The following CRYBG1 variants were observed in gnomAD, a reference collection of about 807,000 sequenced individuals.
The protein encoded by CRYBG1 is beta/gamma crystallin domain-containing protein 1.
A neutral mutation model predicts 189.2 loss-of-function variants in CRYBG1; 139 were observed. The observed-to-expected ratio is 0.73, with a 90% CI of 0.64 to 0.85. The LOEUF (loss-of-function observed/expected upper bound fraction) is 0.85. Among genes scored for constraint, CRYBG1 ranks in the 40% least tolerant of loss-of-function variants. The pLI is 0.00. For missense variants in CRYBG1, 2,611 were observed against 2,675.8 expected, an observed-to-expected ratio of 0.98 and a Z score of 0.53; for synonymous variants, 1,023 against 1,017.1, an observed-to-expected ratio of 1.01 and a Z score of -0.11.
chr6:106,514,841 T>G (rs764965201), intron 3 of CRYBG1, among the ~76,000 whole-genome samples: 6 of 152,258 alleles, frequency 3.9e-5, no homozygotes, highest in Non-Finnish European at 8.8e-5. Context: ...CCTAAAAATT[T>G]TCTTTACCAG....
At chr6:106,468,982 C>T (rs373465368) in intron 2 of CRYBG1, among the ~76,000 whole-genome samples, 6 of 152,334 alleles carry the variant, frequency 3.9e-5, no homozygotes, top group African/African-American at 1.4e-4. Flanking sequence ...CTGCATGTAA[C>T]TTTCCCAGTG....
rs371008588 is a variant in CRYBG1 at position 106,520,413 on chromosome 6, A to G, written c.3205A>G (p.Thr1069Ala). The G allele has an allele frequency of 1.0e-4, 161 of 1,613,822 alleles. No individual in the cohort carries two copies. The highest frequency in any genetic ancestry group is 1.3e-4 in the Non-Finnish European group (159 of 1,179,984). ...NSPSSGNHLA[T>A]PQRPDQTVTN... ...TCCCAGCAGCGGAAATCACTTAGCC[A>G]CTCCTCAAAGGCCAGATCAGACTGT... The change falls in exon 4 of 22, where the codon ACT becomes GCT. Residue 1069 changes from threonine to alanine, a missense_variant. Physicochemically the swap from Thr to Ala is moderately conservative, Grantham distance 58. Transcript: ENST00000633556.
In CRYBG1 at chr6:106,520,783, C is replaced by T. The variant is rs139814213; in HGVS notation, c.3575C>T (p.Ala1192Val). 8 of 1,614,162 alleles carry T rather than the reference C, an allele frequency of 5.0e-6. No individual in the cohort carries two copies. Among genetic ancestry groups the T allele is most frequent in the Middle Eastern group, 1.6e-4 (1 of 6,062 alleles). Reference protein sequence around the residue: ...DTKSKLRPKRASAEQSVLFKS... With the variant: ...DTKSKLRPKRVSAEQSVLFKS... ...AAATCCAAACTGAGACCCAAACGTG[C>T]ATCTGCTGAACAGAGCGTCCTCTTC... The change falls in exon 4 of 22, where the codon GCA becomes GTA. Residue 1192 changes from alanine (A) to valine (V), a missense_variant. Transcript: ENST00000633556.
intron 1 of CRYBG1, among the ~76,000 whole-genome samples, chr6:106,444,053 A>C (rs1771614658): frequency 6.6e-6 from 1 of 152,166 alleles, no homozygotes; most frequent in South Asian, 2.1e-4. Context: ...ATATCACCAG[A>C]AGCTTTGTTT....
chr6:106,462,876 A>G (rs912114714), intron 2 of CRYBG1, among the ~76,000 whole-genome samples: 4 of 152,212 alleles, frequency 2.6e-5, no homozygotes, highest in Non-Finnish European at 4.4e-5. Context: ...TAATGTGGAC[A>G]GGCTCAGTGG....
chr6:106,525,535 T>C (rs1206737070), intron 6 of CRYBG1, 149 bp downstream of exon 6: 2 of 673,880 alleles, frequency 3.0e-6, no homozygotes, highest in South Asian at 3.5e-5. Flanking sequence ...GGGATTCATA[T>C]CTTAACAATG....
chr6:106,493,831 A>G (rs924184137), intron 2 of CRYBG1, among the ~76,000 whole-genome samples: 5 of 152,160 alleles, frequency 3.3e-5, no homozygotes, highest in Admixed American at 2.0e-4. Context: ...GAGAATCAGG[A>G]AGAATAGCTA....
At chr6:106,403,937 G>A (rs1770770580) in intron 1 of CRYBG1, among the ~76,000 whole-genome samples, 1 of 152,254 alleles carries the variant, frequency 6.6e-6, no homozygotes, top group Admixed American at 6.5e-5. Context: ...GAACTCATGA[G>A]AGAATGTGAA....
At chr6:106,415,025 GT>G (rs1274024521) in intron 1 of CRYBG1, among the ~76,000 whole-genome samples, 3 of 152,058 alleles carry the variant, frequency 2.0e-5, no homozygotes, top group African/African-American at 7.2e-5. Flanking sequence ...TCACATAAAT[GT>G]GTCTTTAATC....
At chr6:106,418,726 T>G (rs953113680) in intron 1 of CRYBG1, among the ~76,000 whole-genome samples, 2 of 152,188 alleles carry the variant, frequency 1.3e-5, no homozygotes, top group African/African-American at 4.8e-5. Flanking sequence ...TGGGGTAATA[T>G]CCGAGGTTTG....
At chr6:106,414,040 C>T (rs552331944) in intron 1 of CRYBG1, among the ~76,000 whole-genome samples, 2 of 152,258 alleles carry the variant, frequency 1.3e-5, no homozygotes, top group East Asian at 1.9e-4. Context: ...CTTTAGCATC[C>T]GACTCAGTGA....
At chr6:106,400,697 A>G (rs941114532) in intron 1 of CRYBG1, among the ~76,000 whole-genome samples, 7 of 152,176 alleles carry the variant, frequency 4.6e-5, no homozygotes, top group African/African-American at 1.7e-4. Flanking sequence ...ATATGATACA[A>G]TTCCTGCCTA....
At chr6:106,560,651 T>C (rs1441695650) in intron 18 of CRYBG1, 152 bp from the exon 19 acceptor site, 4 of 926,332 alleles carry the variant, frequency 4.3e-6, no homozygotes, top group Non-Finnish European at 5.9e-6. Flanking sequence ...AAATTACTTC[T>C]TTTAAGTGTT....
At chr6:106,545,694 T>TC (rs1363860416) in intron 13 of CRYBG1, among the ~76,000 whole-genome samples, 2 of 151,774 alleles carry the variant, frequency 1.3e-5, no homozygotes, top group Non-Finnish European at 2.9e-5. Flanking sequence ...ACTCTTTTTT[T>TC]TTGAGGCAGA....
chr6:106,442,255 T>C (rs1455140339), intron 1 of CRYBG1, among the ~76,000 whole-genome samples: 1 of 152,188 alleles, frequency 6.6e-6, no homozygotes, highest in African/African-American at 2.4e-5. Flanking sequence ...ATTGCGGCAG[T>C]GTAAGTGCCA....
At chr6:106,405,782 G>A (rs1441056748) in intron 1 of CRYBG1, among the ~76,000 whole-genome samples, 2 of 152,170 alleles carry the variant, frequency 1.3e-5, no homozygotes, top group Non-Finnish European at 1.5e-5. Context: ...GCAGCAGTAG[G>A]CCCTGACTGT....
At chr6:106,443,048 G>A (rs1771594317) in intron 1 of CRYBG1, among the ~76,000 whole-genome samples, 1 of 152,330 alleles carries the variant, frequency 6.6e-6, no homozygotes, top group Middle Eastern at 3.4e-3. Context: ...GAGACACTCA[G>A]TAGCAGAGAA....
rs1456542172 is a variant in CRYBG1 at position 106,520,979 on chromosome 6, T to G, written c.3771T>G (p.Ser1257=). Residue 1257 remains serine, a synonymous_variant, in exon 4 of 22, where the codon TCT becomes TCG. Transcript: ENST00000633556. ...LSSLPQDKIF[S]PSVTSVNTMT... is the part of the protein sequence containing the mutation. The stretch of plus-strand genomic sequence containing the variant: ...CTTTACCACAAGACAAAATCTTTTC[T>G]CCTTCTGTGACATCAGTCAACACTA... The G allele has an allele frequency of 6.2e-7, 1 of 1,614,184 alleles. No homozygotes were observed. Among genetic ancestry groups the G allele is most frequent in the East Asian group, 2.2e-5 (1 of 44,888 alleles).
At chr6:106,502,952 C>T (rs1298553094) in intron 2 of CRYBG1, among the ~76,000 whole-genome samples, 1 of 152,154 alleles carries the variant, frequency 6.6e-6, no homozygotes, top group Non-Finnish European at 1.5e-5. Context: ...TGCCTCATGC[C>T]CCACAAAACT....
Sources: allele counts gnomAD v4.1 joint callset (sites outside exome capture counted in the v4.1 genomes callset), GRCh38; gene constraint gnomAD v4.1.1; transcripts MANE v1.5; gene names NCBI Gene and HGNC (gene_info 2026-07-23, HGNC 2026-07-21).